The following UPP1 variants were observed in gnomAD, a reference collection of about 807,000 sequenced individuals.
The protein encoded by UPP1 is UPase 1.
In UPP1, 25 loss-of-function variants were observed where a neutral mutation model predicts 29.6. The observed-to-expected ratio is 0.85, with a 90% CI of 0.62 to 1.18. The LOEUF (loss-of-function observed/expected upper bound fraction) is 1.18, where lower values mean the gene tolerates loss of function less well. UPP1 is among the 50% of genes most tolerant of loss of function. UPP1 has a pLI of 0.00. For missense variants in UPP1, 368 were observed against 410.4 expected, an observed-to-expected ratio of 0.90 and a Z score of 0.89; for synonymous variants, 165 against 159.8, an observed-to-expected ratio of 1.03 and a Z score of -0.25.
chr7:48,106,985 CAA>C lies in UPP1; in HGVS notation c.550_551del (p.Lys184GlufsTer31), dbSNP rs1332633275. 5 of 1,613,216 alleles carry C rather than the reference CAA, an allele frequency of 3.1e-6. No homozygotes were observed. The highest frequency in any genetic ancestry group is 4.2e-6 in the Non-Finnish European group (5 of 1,179,990). ...GGGTCATCCGGAAAACGGACCTTAACAAGAAGCTGGTGCAGGAGCTGTTGCTG... is the reference window on the plus strand; with the variant it reads ...GGGTCATCCGGAAAACGGACCTTAACGAAGCTGGTGCAGGAGCTGTTGCTG... ...KRVIRKTDLN[K>X]KLVQELLLCS... On this transcript the variant is annotated frameshift_variant, in exon 7 of 9. Transcript: ENST00000395564. LOFTEE classifies it high-confidence loss of function.
chr7:48,099,778 A>G lies in UPP1; in HGVS notation c.153A>G (p.Gly51=). Residue 51 remains glycine, a synonymous_variant, in exon 4 of 9, where the codon GGA becomes GGG. Coordinates refer to ENST00000395564, the MANE Select transcript of UPP1 (RefSeq NM_003364.4). ...GACACAATTTCCCAGCCTTGTTTGGAGATGTGAAGGTAAGAGGCCAGGTGT... is the reference window on the plus strand; with the variant it reads ...GACACAATTTCCCAGCCTTGTTTGGGGATGTGAAGGTAAGAGGCCAGGTGT... The part of the protein sequence containing the change: ...TSRHNFPALF[G]DVKFVCVGGS... 1 of 1,609,750 alleles carries G rather than the reference A, an allele frequency of 6.2e-7. No homozygotes were observed. The highest frequency in any genetic ancestry group is 8.5e-7 in the Non-Finnish European group (1 of 1,176,050).
intron 5 of UPP1, among the ~76,000 whole-genome samples, chr7:48,102,289 C>T (rs1007140850): frequency 2.0e-5 from 3 of 152,116 alleles, no homozygotes; most frequent in Non-Finnish European, 4.4e-5. Context: ...AGGGGGCGCC[C>T]TGCCTGGAGC....
chr7:48,105,607 A>G (rs1792687153), intron 6 of UPP1: 1 of 152,336 alleles, frequency 6.6e-6, no homozygotes, highest in African/African-American at 2.4e-5. Flanking sequence ...AACAATAGGA[A>G]TTTATCGCGT....
intron 4 of UPP1, among the ~76,000 whole-genome samples, chr7:48,101,469 G>A (rs1792416137): frequency 6.6e-6 from 1 of 152,102 alleles, no homozygotes; most frequent in South Asian, 2.1e-4. Context: ...GTGAGGAGTT[G>A]CTCCCTCTGT....
intron 5 of UPP1, 37 bp from the exon 6 acceptor site, chr7:48,103,260 A>G (rs1792531823): frequency 2.0e-6 from 3 of 1,532,090 alleles, no homozygotes; most frequent in African/African-American, 1.4e-5. Flanking sequence ...CAAAGTCACA[A>G]CCTTGGCTTA....
chr7:48,107,594 G>T (rs1172029681), intron 8 of UPP1, 87 bp downstream of exon 8: 1 of 1,475,202 alleles, frequency 6.8e-7, no homozygotes, highest in Non-Finnish European at 9.1e-7. Context: ...CTCCTCCTGG[G>T]GCACCCCGAT....
In UPP1 at chr7:48,092,700, G is replaced by C. The variant is rs1178207354; in HGVS notation, c.-21-2063G>C. Among the ~76,000 whole-genome samples, 38 of 147,742 alleles carry C rather than the reference G, an allele frequency of 2.6e-4. 1 individual carries two copies. The highest frequency in any genetic ancestry group is 8.4e-4 in the African/African-American group (34 of 40,324). On this transcript the variant is annotated intron_variant, in intron 2 of 8. Coordinates refer to ENST00000395564, the MANE Select transcript of UPP1 (RefSeq NM_003364.4). ...TGGGTAACAGAGTGAGACCCTGTTT[G>C]TTTCTTTTTTTTTTTTTTTTGAGAC...
At chr7:48,098,197 C>T (rs1232977930) in intron 3 of UPP1, among the ~76,000 whole-genome samples, 1 of 152,124 alleles carries the variant, frequency 6.6e-6, no homozygotes, top group Non-Finnish European at 1.5e-5. Flanking sequence ...CTATATCAGC[C>T]TTTCTGAAAT....
At chr7:48,092,967 G>T (rs2128808551) in intron 2 of UPP1, among the ~76,000 whole-genome samples, 1 of 152,212 alleles carries the variant, frequency 6.6e-6, no homozygotes, top group African/African-American at 2.4e-5. Flanking sequence ...GCCTCCCAAA[G>T]TGCTGAGATT....
chr7:48,089,567 G>C (rs1313808459), intron 1 of UPP1, 149 bp downstream of exon 1: 1 of 153,728 alleles, frequency 6.5e-6, no homozygotes, highest in African/African-American at 2.4e-5. Flanking sequence ...GCAGAGAGCG[G>C]CCCGGCGCGG....
In UPP1 at chr7:48,107,101, G is replaced by T; in HGVS notation, c.646+19G>T. 1 of 1,609,096 alleles carries T rather than the reference G, an allele frequency of 6.2e-7. No individual in the cohort carries two copies. Among genetic ancestry groups the T allele is most frequent in the South Asian group, 1.1e-5 (1 of 90,888 alleles). On this transcript the variant is annotated intron_variant, in intron 7 of 8. Coordinates refer to ENST00000395564, the MANE Select transcript of UPP1 (RefSeq NM_003364.4). ...TATGAAGGTGAGGCAGCGGATACGA[G>T]GAGGCATCTTTCAGCCAGGGAACCC...
intron 6 of UPP1, chr7:48,106,485 A>G (rs1792745846): frequency 5.1e-6 from 1 of 197,390 alleles, no homozygotes; most frequent in South Asian, 9.0e-5. Flanking sequence ...TAATTTTTGT[A>G]TTTTTAGTAG....
intron 2 of UPP1, among the ~76,000 whole-genome samples, chr7:48,091,109 TAAAC>T (rs1451780618): frequency 6.6e-6 from 1 of 152,154 alleles, no homozygotes; most frequent in Non-Finnish European, 1.5e-5. Context: ...TCCCTAAAGA[TAAAC>T]AACAAACATT....
Position 48,104,369 on chromosome 7 carries a change from T to A in UPP1, c.436+958T>A, listed in dbSNP as rs535216709. ...GTTTTAAATACGTGGTCTTGCTCTC[T>A]GGGGTTCCAACTCTGTGCCATTCTT... On this transcript the variant is annotated intron_variant, in intron 6 of 8. Coordinates refer to ENST00000395564, the MANE Select transcript of UPP1 (RefSeq NM_003364.4). Among the ~76,000 whole-genome samples, 13 of 152,360 alleles carry A rather than the reference T, an allele frequency of 8.5e-5. No individual in the cohort carries two copies. In the South Asian group the frequency reaches 2.5e-3, roughly 29 times the overall value.
rs1365887778 is a variant in UPP1, at chr7:48,106,866, T to C, written c.437-7T>C. The C allele has an allele frequency of 1.2e-6, 2 of 1,613,532 alleles. No individual in the cohort carries two copies. Among genetic ancestry groups the C allele is most frequent in the Non-Finnish European group, 1.7e-6 (2 of 1,179,812 alleles). On this transcript the variant is annotated splice_polypyrimidine_tract_variant and splice_region_variant and intron_variant, in intron 6 of 8. Coordinates refer to ENST00000395564, the MANE Select transcript of UPP1 (RefSeq NM_003364.4). ...CTGCATATCTTGATGTCTGCTTTTTTCCTCAGGTCTGGAGCCCGGCACTGT... is the reference window on the plus strand; with the variant it reads ...CTGCATATCTTGATGTCTGCTTTTTCCCTCAGGTCTGGAGCCCGGCACTGT...
At chr7:48,107,313 G>A in intron 7 of UPP1, 48 bp from the exon 8 acceptor site, 2 of 1,577,856 alleles carry the variant, frequency 1.3e-6, no homozygotes, top group Non-Finnish European at 1.7e-6. Context: ...ATGTGTTGTA[G>A]GAGCTTCTCA....
chr7:48,092,381 C>G (rs973534244), intron 2 of UPP1, among the ~76,000 whole-genome samples: 1 of 152,116 alleles, frequency 6.6e-6, no homozygotes, highest in Non-Finnish European at 1.5e-5. Context: ...CCGGGATCCT[C>G]CTGTAGTGCC....
chr7:48,097,927 C>T (rs1454263888), intron 3 of UPP1, among the ~76,000 whole-genome samples: 1 of 152,168 alleles, frequency 6.6e-6, no homozygotes, highest in Non-Finnish European at 1.5e-5. Flanking sequence ...TGGCCTTGCC[C>T]CACATCCCAG....
intron 4 of UPP1, among the ~76,000 whole-genome samples, chr7:48,100,502 T>C (rs1483031705): frequency 6.6e-6 from 1 of 152,220 alleles, no homozygotes; most frequent in Non-Finnish European, 1.5e-5. Flanking sequence ...TGATATTCTG[T>C]TTAGTTAATT....
Sources: gnomAD v4.1 joint callset for allele counts (sites outside exome capture counted in the v4.1 genomes callset) on GRCh38, gnomAD v4.1.1 for gene constraint, MANE v1.5 for transcripts, NCBI Gene and HGNC (gene_info 2026-07-23, HGNC 2026-07-21) for gene names.